Variants in PKHD1 observed in about 807,000 individuals in gnomAD.
PKHD1 encodes the protein PKHD1 ciliary IPT domain containing fibrocystin/polyductin, also known as fibrocystin.
Under a neutral mutation model 412.0 loss-of-function variants are expected in PKHD1, and 291 were observed. The ratio of observed to expected loss-of-function variants is 0.71; its 90% CI spans 0.64 to 0.78. PKHD1 has a LOEUF of 0.78. PKHD1 is among the 30% of genes least tolerant of loss of function. The pLI is 0.00. For synonymous variants in PKHD1, 1,777 were observed against 1,821.5 expected (o/e 0.98, Z 0.62); for missense variants, 4,825 against 4,950.7 (o/e 0.97, Z 0.76).
At chr6:51,873,552 T>C (rs1370042076) in intron 46 of PKHD1, among the ~76,000 whole-genome samples, 1 of 152,204 alleles carries the variant, frequency 6.6e-6, no homozygotes. Context: ...CACTGAGCTA[T>C]TCCCCTATGA....
In PKHD1 at chr6:51,648,137, G is replaced by C. The variant is rs181140024; in HGVS notation, c.11311-19C>G. 129 of 1,389,224 alleles carry C rather than the reference G, an allele frequency of 9.3e-5. 1 individual carries two copies. The African/African-American group carries it at 1.6e-3, about 17-fold the overall frequency. 86.1% of individuals were successfully genotyped at this position (1,389,224 alleles called of 1,614,324 possible). ...TTCGATTCTAGAAATGGGAATAGGA[G>C]GAGGGAGGAAGAAAAAGTTGGATTC... On this transcript the variant is annotated intron_variant, in intron 62 of 66. Transcript: ENST00000371117.
chr6:51,882,900 C>CT (rs1777604617), intron 46 of PKHD1, among the ~76,000 whole-genome samples, 193 bp downstream of exon 46: 1 of 152,196 alleles, frequency 6.6e-6, no homozygotes, highest in Admixed American at 6.5e-5. Context: ...AACACTAAAG[C>CT]ACTGTGTATA....
At chr6:51,692,239 A>C (rs957953765) in intron 60 of PKHD1, among the ~76,000 whole-genome samples, 5 of 145,066 alleles carry the variant, frequency 3.4e-5, no homozygotes, top group Non-Finnish European at 1.5e-5. Context: ...AAGTTTAAGA[A>C]TTCTGTAGAA....
At position 51,901,021 on chromosome 6, in the gene PKHD1, G is replaced by A. The variant is rs1166975414; in HGVS notation, c.6996+2576C>T. 2.1e-4 allele frequency among the ~76,000 whole-genome samples: 32 copies of A among 152,110 alleles called. No individual in the cohort carries two copies. The East Asian group carries it at 5.2e-3, about 25-fold the overall frequency. On this transcript the variant is annotated intron_variant, in intron 43 of 66. Coordinates refer to ENST00000371117, the MANE Select transcript of PKHD1 (RefSeq NM_138694.4). ...ATCATTAAAAAGTCAGGAAACAACA[G>A]GTGCTGGAGAGGATGTGGAGAAATA...
intron 60 of PKHD1, among the ~76,000 whole-genome samples, chr6:51,684,980 C>G (rs1777217720): frequency 2.6e-5 from 4 of 152,044 alleles, no homozygotes; most frequent in Admixed American, 2.6e-4. Flanking sequence ...AAAATTAGAG[C>G]ATATCCATCA....
At chr6:52,056,854 C>G in intron 17 of PKHD1, 36 bp downstream of exon 17, 1 of 1,586,404 alleles carries the variant, frequency 6.3e-7, no homozygotes. Flanking sequence ...CCAGTTCTCC[C>G]ACTCCCCTCC....
At chr6:51,788,165 AT>A (rs1793179033) in intron 53 of PKHD1, among the ~76,000 whole-genome samples, 6 of 152,158 alleles carry the variant, frequency 3.9e-5, no homozygotes, top group Admixed American at 2.6e-4. Flanking sequence ...AGAGATATGT[AT>A]TTGTGGCAGC....
intron 8 of PKHD1, among the ~76,000 whole-genome samples, chr6:52,071,460 C>T (rs1896981): frequency 0.56 from 84,467 of 151,598 alleles, 26,011 homozygotes; most frequent in Non-Finnish European, 0.69. Flanking sequence ...CACACAAGGG[C>T]AGAATACACA....
intron 33 of PKHD1, among the ~76,000 whole-genome samples, chr6:52,019,542 C>T (rs115661519): frequency 2.4e-3 from 368 of 152,240 alleles, no homozygotes; most frequent in Middle Eastern, 0.01. Context: ...ATAATGAATT[C>T]ATTAAAGGTG....
At chr6:51,833,161 G>A (rs1768566813) in intron 51 of PKHD1, among the ~76,000 whole-genome samples, 1 of 152,000 alleles carries the variant, frequency 6.6e-6, no homozygotes, top group African/African-American at 2.4e-5. Context: ...TTTCAAACAA[G>A]CAATGATTGT....
At position 51,747,932 on chromosome 6, in the gene PKHD1, T is replaced by C. The variant is rs1582437174; in HGVS notation, c.9684A>G (p.Ser3228=). The C allele has an allele frequency of 6.2e-7, 1 of 1,614,066 alleles. No individual in the cohort carries two copies. Among genetic ancestry groups the C allele is most frequent in the African/African-American group, 1.3e-5 (1 of 75,018 alleles). Residue 3228 remains serine (S), a synonymous_variant, in exon 58 of 67, where the codon TCA becomes TCG. Transcript: ENST00000371117. The part of the protein sequence containing the change: ...KVKPHSANLT[S]TDRAPSNPRG... ...TTGGATTGGAGGGAGCTCTATCTGTTGATGTCAAGTTGGCTGAGTGCGGCT... is the reference window on the plus strand; with the variant it reads ...TTGGATTGGAGGGAGCTCTATCTGTCGATGTCAAGTTGGCTGAGTGCGGCT...
chr6:51,889,831 T>TG (rs1778829390), intron 43 of PKHD1, among the ~76,000 whole-genome samples: 1 of 152,114 alleles, frequency 6.6e-6, no homozygotes, highest in Non-Finnish European at 1.5e-5. Context: ...AACCACTTCC[T>TG]GGTGAAGTTT....
In PKHD1 at chr6:51,698,814, T is replaced by C. The variant is rs560492951; in HGVS notation, c.10157-38845A>G. Among the ~76,000 whole-genome samples the C allele has an allele frequency of 5.9e-5, 9 of 152,342 alleles. No homozygotes were observed. The South Asian group carries it at 1.7e-3, about 28-fold the overall frequency. ...TGCCAGAGGGGGAAGTCCCCATAAA[T>C]GGACAATAAAGTGATGGGTTTTAAC... On this transcript the variant is annotated intron_variant, in intron 60 of 66. Coordinates refer to ENST00000371117, the MANE Select transcript of PKHD1 (RefSeq NM_138694.4).
intron 55 of PKHD1, 26 bp downstream of exon 55, chr6:51,772,676 A>C: frequency 1.7e-6 from 2 of 1,179,302 alleles, no homozygotes; most frequent in Non-Finnish European, 2.5e-6. Flanking sequence ...ACCAAGAAAA[A>C]GCCCTAAGTT....
At chr6:51,637,363 G>GACACATAAAGTACATAAGT (rs1489612692) in intron 64 of PKHD1, among the ~76,000 whole-genome samples, 1 of 152,102 alleles carries the variant, frequency 6.6e-6, no homozygotes, top group African/African-American at 2.4e-5. Flanking sequence ...CTTATGTTAG[G>GACACATAAAGTACATAAGT]ACACTTTGAC....
intron 48 of PKHD1, among the ~76,000 whole-genome samples, chr6:51,866,557 G>C (rs1374107077): frequency 1.3e-5 from 2 of 152,082 alleles, no homozygotes; most frequent in Non-Finnish European, 2.9e-5. Context: ...ACATTGACAA[G>C]TGCCTCTCCA....
intron 49 of PKHD1, among the ~76,000 whole-genome samples, chr6:51,850,696 C>A (rs1274297151): frequency 6.6e-6 from 1 of 151,912 alleles, no homozygotes; most frequent in Non-Finnish European, 1.5e-5. Context: ...TCTCTGCTTG[C>A]CTATTGTTGG....
At chr6:52,081,958 A>G (rs1309552502) in intron 4 of PKHD1, among the ~76,000 whole-genome samples, 1 of 152,164 alleles carries the variant, frequency 6.6e-6, no homozygotes, top group Non-Finnish European at 1.5e-5. Flanking sequence ...TTATAAAAAT[A>G]TTTTCTAAAT....
chr6:51,664,445 A>G (rs529811467), intron 60 of PKHD1, among the ~76,000 whole-genome samples: 5 of 152,322 alleles, frequency 3.3e-5, no homozygotes, highest in African/African-American at 1.2e-4. Context: ...TTAGCCCAGG[A>G]CCGGTCCATG....
Sources: allele counts gnomAD v4.1 joint callset (sites outside exome capture counted in the v4.1 genomes callset), GRCh38; gene constraint gnomAD v4.1.1; transcripts MANE v1.5; gene names NCBI Gene and HGNC (gene_info 2026-07-23, HGNC 2026-07-21).